The following REEP1 variants were observed in gnomAD, a reference collection of about 807,000 sequenced individuals.
REEP1 encodes receptor expression-enhancing protein 1.
A neutral mutation model predicts 40.3 loss-of-function variants in REEP1; 22 were observed. The observed-to-expected ratio is 0.55, with a 90% CI of 0.39 to 0.78. REEP1 has a LOEUF of 0.78. Among genes scored for constraint, REEP1 ranks in the 30% least tolerant of loss-of-function variants. The pLI is 0.00. For synonymous variants in REEP1, 116 were observed against 139.2 expected (o/e 0.83, Z 1.17); for missense variants, 280 against 361.1 (o/e 0.78, Z 1.82).
At chr2:86,286,276 A>T (rs1416696216) in intron 1 of REEP1, among the ~76,000 whole-genome samples, 1 of 152,148 alleles carries the variant, frequency 6.6e-6, no homozygotes, top group Non-Finnish European at 1.5e-5. Flanking sequence ...CTCGTTTCCC[A>T]GGGTAATCTG....
chr2:86,242,292 C>T (rs1255893333), intron 5 of REEP1, among the ~76,000 whole-genome samples: 1 of 152,186 alleles, frequency 6.6e-6, no homozygotes, highest in East Asian at 1.9e-4. Flanking sequence ...ATCTCCAAAG[C>T]CCAACTTTGG....
At chr2:86,276,444 A>G (rs1010343455) in intron 2 of REEP1, among the ~76,000 whole-genome samples, 1 of 152,192 alleles carries the variant, frequency 6.6e-6, no homozygotes. Flanking sequence ...ATCCCACACA[A>G]TACTGCTTCT....
chr2:86,275,624 A>G lies in REEP1; in HGVS notation c.105+6546T>C, dbSNP rs1558907408. 2.6e-5 allele frequency among the ~76,000 whole-genome samples: 4 copies of G among 152,226 alleles called. No individual in the cohort carries two copies. The East Asian group carries it at 5.8e-4, about 22-fold the overall frequency. On this transcript the variant is annotated intron_variant, in intron 2 of 8. Coordinates refer to ENST00000538924, the MANE Select transcript of REEP1 (RefSeq NM_001371279.1). ...CACCTAGCCAATCTGAAATCTGTTT[A>G]CCCTGTCTTGCCTTACCTTTCTCAC...
chr2:86,282,651 C>T (rs141935393), intron 1 of REEP1, among the ~76,000 whole-genome samples: 3 of 152,290 alleles, frequency 2.0e-5, no homozygotes, highest in South Asian at 4.2e-4. Context: ...TCAAATTTCA[C>T]TCCCCTTGGA....
At position 86,337,451 on chromosome 2, in the gene REEP1, G is replaced by A; in HGVS notation, c.32+28C>T. Reference sequence around the variant, plus strand: ...GCCGGGGGCGGGGAGGGAGGGGACGGAGGGGCGCGGGGGAGAAGGCCACTT... The same window carrying A: ...GCCGGGGGCGGGGAGGGAGGGGACGAAGGGGCGCGGGGGAGAAGGCCACTT... On this transcript the variant is annotated intron_variant, in intron 1 of 8. Transcript: ENST00000538924. This position sits in a 1 kb window ranked among gnomAD's most constrained non-coding sequence, Gnocchi z 5.8. The A allele has an allele frequency of 8.0e-7, 1 of 1,249,254 alleles. No homozygotes were observed. Among genetic ancestry groups the A allele is most frequent in the Non-Finnish European group, 1.0e-6 (1 of 992,148 alleles). 77.4% of individuals were successfully genotyped at this position (1,249,254 alleles called of 1,614,324 possible).
chr2:86,326,712 CAA>C (rs11348248), intron 1 of REEP1, among the ~76,000 whole-genome samples: 42 of 149,704 alleles, frequency 2.8e-4, no homozygotes, highest in African/African-American at 9.6e-4. Context: ...AACTCCATCT[CAA>C]AAAAAAAATA....
At chr2:86,235,269 G>A (rs1282607747) in intron 5 of REEP1, among the ~76,000 whole-genome samples, 1 of 152,218 alleles carries the variant, frequency 6.6e-6, no homozygotes, top group Non-Finnish European at 1.5e-5. Flanking sequence ...CAGTTCTTGA[G>A]TCAGGCCTTG....
chr2:86,252,550 GC>G, intron 4 of REEP1, among the ~76,000 whole-genome samples: 1 of 152,328 alleles, frequency 6.6e-6, no homozygotes, highest in East Asian at 1.9e-4. Context: ...AACTTGCGGA[GC>G]ATGGTGAGGA....
intron 2 of REEP1, among the ~76,000 whole-genome samples, chr2:86,270,397 T>C (rs1677376819): frequency 6.6e-6 from 1 of 152,192 alleles, no homozygotes; most frequent in Non-Finnish European, 1.5e-5. Context: ...GGTTTCTCCA[T>C]GTTGGTCAGG....
chr2:86,251,943 T>C lies in REEP1; in HGVS notation c.417+14A>G. 6.3e-7 allele frequency: 1 copy of C among 1,590,760 alleles called. No individual in the cohort carries two copies. Among genetic ancestry groups the C allele is most frequent in the Non-Finnish European group, 8.6e-7 (1 of 1,159,406 alleles). On this transcript the variant is annotated intron_variant, in intron 5 of 8. Coordinates refer to ENST00000538924, the MANE Select transcript of REEP1 (RefSeq NM_001371279.1). ...ACTGAGACTCATGTAGTTGTGGTACTTCCAGCACAGTACCTTGGAAGCAGC... is the reference window on the plus strand; with the variant it reads ...ACTGAGACTCATGTAGTTGTGGTACCTCCAGCACAGTACCTTGGAAGCAGC...
intron 1 of REEP1, among the ~76,000 whole-genome samples, chr2:86,295,131 C>A: frequency 6.6e-6 from 1 of 152,202 alleles, no homozygotes; most frequent in East Asian, 1.9e-4. Context: ...ATTTTCAGCA[C>A]GTGTCTTAAT....
At chr2:86,236,963 T>C (rs1157448171) in intron 5 of REEP1, among the ~76,000 whole-genome samples, 1 of 152,226 alleles carries the variant, frequency 6.6e-6, no homozygotes, top group Non-Finnish European at 1.5e-5. Context: ...CTCGATCTCC[T>C]GACCTCGTAA....
chr2:86,232,452 G>A (rs947108014), intron 6 of REEP1, among the ~76,000 whole-genome samples, 173 bp downstream of exon 6: 2 of 152,202 alleles, frequency 1.3e-5, no homozygotes, highest in African/African-American at 4.8e-5. Flanking sequence ...TTTCCTGGCC[G>A]GGCCTGAGGG....
At chr2:86,329,059 G>GA (rs1490013642) in intron 1 of REEP1, among the ~76,000 whole-genome samples, 1 of 152,174 alleles carries the variant, frequency 6.6e-6, no homozygotes, top group African/African-American at 2.4e-5. Context: ...TTTATTGAGT[G>GA]ATGGAGGTGG....
chr2:86,217,684 T>TTTTTTTC lies in REEP1; in HGVS notation c.784-575_784-574insGAAAAAA, dbSNP rs1553456158. Among the ~76,000 whole-genome samples, 18 of 127,866 alleles carry TTTTTTTC rather than the reference T, an allele frequency of 1.4e-4. No individual in the cohort carries two copies. The East Asian group carries it at 1.7e-3, about 12-fold the overall frequency. The allele number at this position is 127,866 out of a possible 152,430, so 83.9% of individuals were successfully genotyped here. A position where few individuals can be genotyped will look rare whatever the true frequency, so the allele number is the denominator to read the frequency against. ...ATTTCAGATTTTTTTTTTTTTTTTT[T>TTTTTTTC]CAGATTTTGGGATGTTTGCATATAC... On this transcript the variant is annotated intron_variant, in intron 8 of 8. Coordinates refer to ENST00000538924, the MANE Select transcript of REEP1 (RefSeq NM_001371279.1).
intron 1 of REEP1, among the ~76,000 whole-genome samples, chr2:86,327,549 G>T (rs1261729742): frequency 1.3e-5 from 2 of 150,132 alleles, no homozygotes; most frequent in African/African-American, 4.9e-5. Flanking sequence ...AAACAGCAGG[G>T]GAAAGATGGT....
chr2:86,279,720 A>G (rs1046476966), intron 2 of REEP1, among the ~76,000 whole-genome samples: 6 of 152,192 alleles, frequency 3.9e-5, no homozygotes, highest in Admixed American at 6.5e-5. Flanking sequence ...AAGGAGGAAG[A>G]GAAAGGGGCA....
chr2:86,281,218 C>T (rs1445701392), intron 2 of REEP1, among the ~76,000 whole-genome samples: 1 of 152,194 alleles, frequency 6.6e-6, no homozygotes, highest in African/African-American at 2.4e-5. Context: ...GTGCCCAACA[C>T]ATTCAGAACT....
intron 2 of REEP1, among the ~76,000 whole-genome samples, chr2:86,266,341 CG>C (rs752927992): frequency 2.6e-5 from 4 of 152,220 alleles, no homozygotes; most frequent in Non-Finnish European, 5.9e-5. Flanking sequence ...CCAAAAGGGC[CG>C]GGCGCGGTGG....
Sources: gnomAD v4.1 joint callset for allele counts (sites outside exome capture counted in the v4.1 genomes callset) on GRCh38, gnomAD v4.1.1 for gene constraint, Gnocchi (gnomAD v3.1) non-coding constraint, MANE v1.5 for transcripts, NCBI Gene and HGNC (gene_info 2026-07-23, HGNC 2026-07-21) for gene names.